KLRD1: variants seen among roughly 807,000 people sequenced by gnomAD.
KLRD1 encodes killer cell lectin like receptor D1, also known as natural killer cells antigen CD94.
A neutral mutation model predicts 22.6 loss-of-function variants in KLRD1; 21 were observed. The ratio of observed to expected loss-of-function variants is 0.93; its 90% CI spans 0.66 to 1.34. KLRD1 has a LOEUF of 1.34. Among genes scored for constraint, KLRD1 ranks in the 40% most tolerant of loss-of-function variants. The pLI is 0.00. For missense variants in KLRD1, 183 were observed against 208.6 expected (o/e 0.88, Z 0.76); for synonymous variants, 59 against 71.1 (o/e 0.83, Z 0.85).
rs116158931 is a variant in KLRD1, at chr12:10,286,164, G to A, written c.-100-21814G>A. Among the ~76,000 whole-genome samples, 388 of 152,222 alleles carry A rather than the reference G, an allele frequency of 2.5e-3. 1 individual carries two copies. Among genetic ancestry groups the A allele is most frequent in the African/African-American group, 8.9e-3 (369 of 41,516 alleles). ...TGGTTGGAAACATTCTGTACCATAC[G>A]GTGTGATGTGTCAGCCACACCTGTT... is the stretch of plus-strand genomic sequence containing the variant. On this transcript the variant is annotated intron_variant, in intron 1 of 5. Coordinates refer to the KLRD1 transcript ENST00000544747.
intron 1 of KLRD1, among the ~76,000 whole-genome samples, chr12:10,293,967 C>T (rs1032070231): frequency 3.3e-5 from 5 of 152,160 alleles, no homozygotes; most frequent in African/African-American, 7.2e-5. Flanking sequence ...TTGGTATGAA[C>T]GCTAGCTATC....
chr12:10,283,045 G>C (rs995297820), intron 1 of KLRD1, among the ~76,000 whole-genome samples: 3 of 152,238 alleles, frequency 2.0e-5, no homozygotes, highest in Non-Finnish European at 2.9e-5. Flanking sequence ...TCATTACATA[G>C]AGGGAAGTTA....
At chr12:10,272,311 C>A (rs1464459860) in intron 1 of KLRD1, among the ~76,000 whole-genome samples, 1 of 152,036 alleles carries the variant, frequency 6.6e-6, no homozygotes, top group East Asian at 1.9e-4. Context: ...AATAACATTA[C>A]CCTAAATAAT....
At chr12:10,276,462 A>G (rs12813575) in intron 1 of KLRD1, among the ~76,000 whole-genome samples, 10,766 of 152,192 alleles carry the variant, frequency 0.071, 431 homozygotes, top group East Asian at 0.17. Flanking sequence ...GAGATGGTTT[A>G]AGGGCAGTGA....
intron 1 of KLRD1, among the ~76,000 whole-genome samples, chr12:10,293,171 C>CATATACATATATAT (rs1949792222): frequency 1.7e-4 from 1 of 5,778 alleles, no homozygotes; most frequent in African/African-American, 3.0e-4. Context: ...TATATATACA[C>CATATACATATATAT]ATATACACAT....
At chr12:10,305,884 C>T (rs1201681680), upstream of KLRD1, among the ~76,000 whole-genome samples, 1 of 152,014 alleles carries the variant, frequency 6.6e-6, no homozygotes, top group Non-Finnish European at 1.5e-5. Flanking sequence ...GAACAGAGGC[C>T]GGGCACGGTG....
chr12:10,239,466 C>A (rs78515427), intron 1 of KLRD1, among the ~76,000 whole-genome samples: 509 of 22,284 alleles, frequency 0.023, 40 homozygotes, highest in African/African-American at 0.049. Flanking sequence ...TCCTTCCTTC[C>A]TTCCTTCCTT....
At chr12:10,275,467 T>G (rs1167116838) in intron 1 of KLRD1, among the ~76,000 whole-genome samples, 2 of 152,206 alleles carry the variant, frequency 1.3e-5, no homozygotes, top group East Asian at 1.9e-4. Flanking sequence ...GGTGGTGGTG[T>G]TAATGCAACC....
At chr12:10,292,462 G>T (rs563193391) in intron 1 of KLRD1, among the ~76,000 whole-genome samples, 1 of 152,200 alleles carries the variant, frequency 6.6e-6, no homozygotes, top group South Asian at 2.1e-4. Flanking sequence ...GCTTGAAAAT[G>T]ACATGAATTT....
chr12:10,298,644 G>A (rs1396392960), intron 1 of KLRD1, among the ~76,000 whole-genome samples: 1 of 152,222 alleles, frequency 6.6e-6, no homozygotes, highest in Non-Finnish European at 1.5e-5. Flanking sequence ...CCCAGGGCGG[G>A]AAACCTTTTA....
At chr12:10,247,187 A>G (rs1197187520) in intron 1 of KLRD1, among the ~76,000 whole-genome samples, 1 of 151,842 alleles carries the variant, frequency 6.6e-6, no homozygotes, top group African/African-American at 2.4e-5. Context: ...TTCTATTTAT[A>G]TCAATAATAT....
At position 10,256,452 on chromosome 12, in the gene KLRD1, C is replaced by T. The variant is rs1424266355; in HGVS notation, c.-101+30219C>T. On this transcript the variant is annotated intron_variant, in intron 1 of 5. Coordinates refer to the KLRD1 transcript ENST00000544747. ...TTTTTTTTTTTTTTTTGTAGAGACA[C>T]ATTTTCATTATCTTCTCCTTTCCTT... Among the ~76,000 whole-genome samples the T allele has an allele frequency of 1.6e-4, 6 of 38,202 alleles. No individual in the cohort carries two copies. The East Asian group carries it at 3.2e-3, about 20-fold the overall frequency. The allele number at this position is 38,202 out of a possible 152,430, so 25.1% of individuals were successfully genotyped here. A position where few individuals can be genotyped will look rare whatever the true frequency, so the allele number is the denominator to read the frequency against.
upstream of KLRD1, among the ~76,000 whole-genome samples, chr12:10,300,438 T>C (rs1949856839): frequency 1.3e-5 from 2 of 152,200 alleles, no homozygotes; most frequent in Non-Finnish European, 2.9e-5. Context: ...TTAAAATGTA[T>C]AAGTTGTTTT....
intron 1 of KLRD1, among the ~76,000 whole-genome samples, chr12:10,296,782 C>G (rs148718182): frequency 6.6e-6 from 1 of 152,320 alleles, no homozygotes; most frequent in African/African-American, 2.4e-5. Flanking sequence ...ACTTACCCCC[C>G]GGCCCCTGCA....
At chr12:10,249,860 C>T (rs1949328837) in intron 1 of KLRD1, among the ~76,000 whole-genome samples, 1 of 152,146 alleles carries the variant, frequency 6.6e-6, no homozygotes. Context: ...GTGGTAGTGT[C>T]CCATGGTGGC....
intron 1 of KLRD1, among the ~76,000 whole-genome samples, chr12:10,260,626 C>T (rs988514906): frequency 7.5e-6 from 1 of 133,502 alleles, no homozygotes; most frequent in Admixed American, 8.4e-5. Flanking sequence ...CATGATGAAA[C>T]CCCGTCTCTA....
At chr12:10,241,488 G>A (rs941959037) in intron 1 of KLRD1, among the ~76,000 whole-genome samples, 21 of 152,242 alleles carry the variant, frequency 1.4e-4, no homozygotes, top group East Asian at 9.7e-4. Context: ...TTTGCTTTAC[G>A]TAATCTTTCT....
chr12:10,307,500 T>G (rs1305106852), upstream of KLRD1, among the ~76,000 whole-genome samples: 2 of 152,128 alleles, frequency 1.3e-5, no homozygotes, highest in African/African-American at 4.8e-5. Flanking sequence ...TTGAAGATAT[T>G]TATATATCTT....
rs75629128 is a variant in KLRD1 at position 10,253,035 on chromosome 12, C to G, written c.-101+26802C>G. 3.9e-3 allele frequency among the ~76,000 whole-genome samples: 594 copies of G among 151,050 alleles called. 19 individuals carry two copies. The East Asian group carries it at 0.068, about 17-fold the overall frequency. On this transcript the variant is annotated intron_variant, in intron 1 of 5. Transcript: ENST00000544747. ...ATCCTCTGCATAAAACATTTCTTAT[C>G]TAATGCTTTTAATATTTTTTTATCA...
Sources: gnomAD v4.1 joint callset for allele counts (sites outside exome capture counted in the v4.1 genomes callset) on GRCh38, gnomAD v4.1.1 for gene constraint, MANE v1.5 for transcripts, NCBI Gene and HGNC (gene_info 2026-07-23, HGNC 2026-07-21) for gene names.